PAPPA2: variants seen among roughly 807,000 people sequenced by gnomAD.
PAPPA2 encodes pappalysin 2.
Under a neutral mutation model 176.4 loss-of-function variants are expected in PAPPA2, and 86 were observed. The observed-to-expected ratio is 0.49, with a 90% CI of 0.41 to 0.58. PAPPA2 has a LOEUF of 0.58. Ranked by LOEUF, PAPPA2 falls within the 20% of genes least tolerant of loss-of-function variation. The probability of loss-of-function intolerance (pLI) is 0.00; values close to 1 mark genes in which losing one functional copy is unlikely to be tolerated. For synonymous variants in PAPPA2, 809 were observed against 852.2 expected, an observed-to-expected ratio of 0.95 and a Z score of 0.88; for missense variants, 2,073 against 2,256.9, an observed-to-expected ratio of 0.92 and a Z score of 1.65.
intron 1 of PAPPA2, among the ~76,000 whole-genome samples, chr1:176,511,640 C>T (rs376272113): frequency 5.3e-5 from 8 of 152,122 alleles, no homozygotes; most frequent in African/African-American, 1.4e-4. Context: ...CATCAGTAGA[C>T]GGGGTAAAGA....
intron 21 of PAPPA2, among the ~76,000 whole-genome samples, chr1:176,803,113 A>T (rs1665752384): frequency 6.6e-6 from 1 of 152,178 alleles, no homozygotes; most frequent in South Asian, 2.1e-4. Context: ...CGTAAACTGC[A>T]TATGGGCAAG....
intron 1 of PAPPA2, among the ~76,000 whole-genome samples, chr1:176,470,686 A>C (rs1651830318): frequency 6.6e-6 from 1 of 152,352 alleles, no homozygotes; most frequent in Middle Eastern, 3.4e-3. Context: ...CTCAACTCCC[A>C]GTGAAAACGG....
At chr1:176,752,302 C>A (rs1439928521) in intron 14 of PAPPA2, among the ~76,000 whole-genome samples, 7 of 129,566 alleles carry the variant, frequency 5.4e-5, no homozygotes, top group African/African-American at 2.1e-4. Context: ...TGTAACTAAC[C>A]TGCACAATGT....
intron 2 of PAPPA2, among the ~76,000 whole-genome samples, chr1:176,560,138 G>A (rs1476884307): frequency 2.6e-5 from 4 of 151,894 alleles, no homozygotes; most frequent in Non-Finnish European, 5.9e-5. Flanking sequence ...TTGTTCGTTG[G>A]CATCCCTTGG....
At chr1:176,507,846 C>G (rs1005709477) in intron 1 of PAPPA2, among the ~76,000 whole-genome samples, 4 of 151,780 alleles carry the variant, frequency 2.6e-5, no homozygotes, top group Admixed American at 6.6e-5. Context: ...ATGCTCACAA[C>G]CTGAGTGCAA....
chr1:176,715,715 G>A (rs1086519), intron 12 of PAPPA2, among the ~76,000 whole-genome samples: 118,948 of 152,112 alleles, frequency 0.78, 46,572 homozygotes, highest in East Asian at 0.93. Context: ...AATGAGCAAT[G>A]ACGTTGATTC....
intron 17 of PAPPA2, among the ~76,000 whole-genome samples, chr1:176,787,813 C>A (rs1465445050): frequency 1.3e-5 from 2 of 152,088 alleles, no homozygotes; most frequent in Non-Finnish European, 2.9e-5. Flanking sequence ...CTAATCCCAG[C>A]ACTTTGGGAG....
At chr1:176,708,559 A>AGAGAGAGAGAGAG (rs3979555) in intron 10 of PAPPA2, among the ~76,000 whole-genome samples, 1 of 150,918 alleles carries the variant, frequency 6.6e-6, no homozygotes, top group Admixed American at 6.6e-5. Context: ...AGAGAGAGAG[A>AGAGAGAGAGAGAG]ATCATCATGG....
At chr1:176,604,079 T>C (rs1177886357) in intron 3 of PAPPA2, among the ~76,000 whole-genome samples, 1 of 152,194 alleles carries the variant, frequency 6.6e-6, no homozygotes, top group Non-Finnish European at 1.5e-5. Flanking sequence ...ATCTTTTCAG[T>C]GGCTTTTCAC....
intron 3 of PAPPA2, among the ~76,000 whole-genome samples, chr1:176,663,380 C>A (rs2102761849): frequency 6.6e-6 from 1 of 152,206 alleles, no homozygotes; most frequent in Non-Finnish European, 1.5e-5. Flanking sequence ...TAGCCCCCTG[C>A]CAAGTCTGAA....
chr1:176,505,435 G>A (rs1648202708), intron 1 of PAPPA2, among the ~76,000 whole-genome samples: 2 of 152,060 alleles, frequency 1.3e-5, no homozygotes, highest in Admixed American at 6.6e-5. Context: ...AAAACAGGCA[G>A]CACAGGACTG....
Position 176,771,187 on chromosome 1 carries a change from T to A in PAPPA2, c.4715+7T>A. The A allele has an allele frequency of 6.2e-7, 1 of 1,612,502 alleles. No individual in the cohort carries two copies. The highest frequency in any genetic ancestry group is 8.5e-7 in the Non-Finnish European group (1 of 1,178,548). Reference sequence around the variant, plus strand: ...CAGAGGGTAAAGTCAGGAAGTAAGTTGAATGTTCCTGGTCTTTGGAGTTCT... The same window carrying A: ...CAGAGGGTAAAGTCAGGAAGTAAGTAGAATGTTCCTGGTCTTTGGAGTTCT... On this transcript the variant is annotated splice_region_variant and intron_variant, in intron 17 of 22. Transcript: ENST00000367662.
Position 176,770,361 on chromosome 1 carries a change from C to T in PAPPA2, c.4501+577C>T, listed in dbSNP as rs150794836. Among the ~76,000 whole-genome samples, 16 of 152,188 alleles carry T rather than the reference C, an allele frequency of 1.1e-4. No individual in the cohort carries two copies. In the East Asian group the frequency reaches 2.9e-3, roughly 28 times the overall value. ...TGGTGAATAGTCCATGGACTGCATT[C>T]GGAGAAACCATGAATTGTACTAAGG... On this transcript the variant is annotated intron_variant, in intron 16 of 22. Transcript: ENST00000367662.
At chr1:176,828,357 A>G (rs1400270479) in intron 21 of PAPPA2, among the ~76,000 whole-genome samples, 3 of 152,158 alleles carry the variant, frequency 2.0e-5, no homozygotes, top group Non-Finnish European at 4.4e-5. Context: ...GCTTCTATAT[A>G]ATGGTTTGTA....
chr1:176,728,912 C>T (rs1425705775), intron 12 of PAPPA2, among the ~76,000 whole-genome samples: 7 of 151,696 alleles, frequency 4.6e-5, no homozygotes, highest in East Asian at 1.9e-4. Context: ...TGCCCAAACC[C>T]GATATTACCC....
chr1:176,496,156 T>A (rs981983126), intron 1 of PAPPA2, among the ~76,000 whole-genome samples: 3 of 152,200 alleles, frequency 2.0e-5, no homozygotes, highest in African/African-American at 7.2e-5. Context: ...GTTTGTTACA[T>A]ATGTATACAT....
At chr1:176,596,459 C>G (rs6425391) in intron 3 of PAPPA2, among the ~76,000 whole-genome samples, 36,073 of 152,120 alleles carry the variant, frequency 0.24, 4,322 homozygotes, top group South Asian at 0.34. Context: ...ATGGTGGGCT[C>G]TCTCTTGTCA....
At chr1:176,724,643 A>G (rs1315651831) in intron 12 of PAPPA2, among the ~76,000 whole-genome samples, 2 of 152,108 alleles carry the variant, frequency 1.3e-5, no homozygotes, top group African/African-American at 2.4e-5. Context: ...ATAAAGCCCA[A>G]AGCCTATTAA....
chr1:176,840,032 G>C, intron 21 of PAPPA2, 141 bp from the exon 22 acceptor site: 1 of 619,510 alleles, frequency 1.6e-6, no homozygotes, highest in Admixed American at 2.8e-5. Flanking sequence ...CAAATATTAG[G>C]TCAATTTGTG....
Sources: allele counts gnomAD v4.1 joint callset (sites outside exome capture counted in the v4.1 genomes callset), GRCh38; gene constraint gnomAD v4.1.1; transcripts MANE v1.5; gene names NCBI Gene and HGNC (gene_info 2026-07-23, HGNC 2026-07-21).